ARK2N: variants seen among roughly 807,000 people sequenced by gnomAD.
ARK2N encodes the protein protein ARK2N.
At chr18:46,180,482 G>A in the ARK2N span, among the ~76,000 whole-genome samples, 5 of 152,282 alleles carry the variant, frequency 3.3e-5, no homozygotes, top group South Asian at 6.2e-4. Flanking sequence ...CGAGGCGGGC[G>A]GATCACCTGA....
At chr18:46,195,290 A>G in the ARK2N span, among the ~76,000 whole-genome samples, 1 of 102,652 alleles carries the variant, frequency 9.7e-6, no homozygotes, top group African/African-American at 3.9e-5. Context: ...TTTTTTTGAG[A>G]TAGAACCTCA....
At chr18:46,258,163 C>T in the ARK2N span, among the ~76,000 whole-genome samples, 3 of 152,076 alleles carry the variant, frequency 2.0e-5, no homozygotes, top group Admixed American at 1.3e-4. Context: ...TGAGCTCAGA[C>T]GATCTGCCCG....
chr18:46,212,213 C>T, the ARK2N span, among the ~76,000 whole-genome samples: 3 of 152,128 alleles, frequency 2.0e-5, no homozygotes, highest in African/African-American at 7.2e-5. Flanking sequence ...CCCAGAAAAG[C>T]ACAACTTCTT....
the ARK2N span, among the ~76,000 whole-genome samples, chr18:46,249,722 C>T: frequency 1.5e-4 from 23 of 152,346 alleles, no homozygotes; most frequent in East Asian, 4.4e-3. Flanking sequence ...CACATACATA[C>T]AAACACCCTT....
At chr18:46,244,438 T>G in the ARK2N span, among the ~76,000 whole-genome samples, 2 of 152,024 alleles carry the variant, frequency 1.3e-5, no homozygotes, top group Non-Finnish European at 2.9e-5. Context: ...GTCCCTAACA[T>G]GGTGGCAGTA....
the ARK2N span, among the ~76,000 whole-genome samples, chr18:46,201,028 G>C: frequency 1.4e-5 from 2 of 147,480 alleles, no homozygotes; most frequent in Non-Finnish European, 1.5e-5. Flanking sequence ...CACCCAGGCT[G>C]GAGTGCAGTA....
At chr18:46,179,625 C>CTT in the ARK2N span, among the ~76,000 whole-genome samples, 13 of 136,838 alleles carry the variant, frequency 9.5e-5, no homozygotes, top group African/African-American at 1.9e-4. Flanking sequence ...TTAAAGTTAT[C>CTT]TTTTTTTTTT....
the ARK2N span, among the ~76,000 whole-genome samples, chr18:46,251,078 T>G: frequency 6.6e-6 from 1 of 152,168 alleles, no homozygotes; most frequent in African/African-American, 2.4e-5. Context: ...CTTAGCACAG[T>G]GCATAGCATG....
the ARK2N span, among the ~76,000 whole-genome samples, chr18:46,221,452 C>T: frequency 2.7e-5 from 4 of 147,934 alleles, no homozygotes; most frequent in South Asian, 2.2e-4. Context: ...CCCAGCTACT[C>T]GGGAGGCTGA....
chr18:46,261,368 G>C, the ARK2N span, among the ~76,000 whole-genome samples: 1 of 152,184 alleles, frequency 6.6e-6, no homozygotes, highest in East Asian at 1.9e-4. Flanking sequence ...TTCCCTCTCT[G>C]TAGAGTGAGG....
chr18:46,174,519 C>T, the ARK2N span, among the ~76,000 whole-genome samples: 3 of 152,086 alleles, frequency 2.0e-5, no homozygotes, highest in East Asian at 1.9e-4. Flanking sequence ...CCTGGATTGC[C>T]GGCTGACGCT....
chr18:46,190,129 G>T, the ARK2N span, among the ~76,000 whole-genome samples: 10 of 152,104 alleles, frequency 6.6e-5, 1 homozygote, highest in Admixed American at 6.6e-4. Context: ...AATAATTAAT[G>T]AAAATAATTA....
the ARK2N span, among the ~76,000 whole-genome samples, chr18:46,262,020 A>G: frequency 5.3e-5 from 8 of 152,360 alleles, no homozygotes; most frequent in East Asian, 1.3e-3. Context: ...TAGTTTAGTG[A>G]CTAGACTCAT....
the ARK2N span, among the ~76,000 whole-genome samples, chr18:46,249,019 A>G: frequency 6.6e-6 from 1 of 152,124 alleles, no homozygotes; most frequent in Non-Finnish European, 1.5e-5. Context: ...TCCTTTGCCA[A>G]TGTCACTTAT....
At chr18:46,189,212 C>CA in the ARK2N span, among the ~76,000 whole-genome samples, 2,939 of 86,772 alleles carry the variant, frequency 0.034, 151 homozygotes, top group African/African-American at 0.07. Context: ...GAGACTGTCT[C>CA]AAAAAAAAAA....
chr18:46,252,430 A>G, the ARK2N span, among the ~76,000 whole-genome samples: 1 of 151,956 alleles, frequency 6.6e-6, no homozygotes, highest in East Asian at 2.0e-4. Context: ...GCATGCCACC[A>G]TGCCCAGCTA....
At chr18:46,209,389 AC>A in the ARK2N span, among the ~76,000 whole-genome samples, 3 of 151,488 alleles carry the variant, frequency 2.0e-5, no homozygotes, top group African/African-American at 7.3e-5. Context: ...AACTTCCTCA[AC>A]TTTTCTCTTC....
chr18:46,178,512 T>C, the ARK2N span, among the ~76,000 whole-genome samples: 2 of 152,216 alleles, frequency 1.3e-5, no homozygotes, highest in Admixed American at 6.5e-5. Context: ...GGTTTCACCA[T>C]GTTGGCCAGG....
At chr18:46,179,089 C>T in the ARK2N span, among the ~76,000 whole-genome samples, 1 of 150,492 alleles carries the variant, frequency 6.6e-6, no homozygotes, top group Admixed American at 6.6e-5. Flanking sequence ...ATTACAGGCG[C>T]GTGCCACCAC....
Sources: allele counts gnomAD v4.1 joint callset (sites outside exome capture counted in the v4.1 genomes callset), GRCh38; gene constraint gnomAD v4.1.1; transcripts MANE v1.5; gene names NCBI Gene and HGNC (gene_info 2026-07-23, HGNC 2026-07-21).